Variants in CBX2 observed in about 807,000 individuals in gnomAD.
The protein encoded by CBX2 is chromobox 2.
CBX2 carries 11 observed loss-of-function variants against 21.0 expected under a neutral mutation model. That is an observed-to-expected ratio of 0.52 (90% CI 0.33 to 0.87). The LOEUF is 0.87. Among genes scored for constraint, CBX2 ranks in the 40% least tolerant of loss-of-function variants. CBX2 has a pLI of 0.02. For missense variants in CBX2, 746 were observed against 724.3 expected (o/e 1.03, Z -0.34); for synonymous variants, 364 against 304.6 (o/e 1.19, Z -2.03).
Position 79,783,955 on chromosome 17 carries a change from C to T in CBX2, c.512C>T (p.Pro171Leu). ...AAGCGGGGACGAAAGCCCCTGCCCC[C>T]AGAGCAAAAGGCAACCCGAAGACCC... Reference protein sequence around the residue: ...RKKRGRKPLPPEQKATRRPVS... With the variant: ...RKKRGRKPLPLEQKATRRPVS... The change falls in exon 5 of 5, where the codon CCA becomes CTA. Residue 171 changes from proline to leucine, a missense_variant. Physicochemically the swap from Pro to Leu is moderately conservative, Grantham distance 98. This residue lies in a region of CBX2 where 701 missense variants were observed against 650.7 expected (regional missense o/e 1.08). Coordinates refer to ENST00000310942, the MANE Select transcript of CBX2 (RefSeq NM_005189.3). The T allele has an allele frequency of 1.2e-6, 2 of 1,613,892 alleles. No homozygotes were observed. Among genetic ancestry groups the T allele is most frequent in the South Asian group, 2.2e-5 (2 of 91,086 alleles).
chr17:79,781,584 G>T, intron 3 of CBX2, 112 bp from the exon 4 acceptor site: 1 of 923,038 alleles, frequency 1.1e-6, no homozygotes, highest in Non-Finnish European at 1.8e-6. Context: ...GCGGCAAACA[G>T]GATAAGCTAT....
chr17:79,782,311 A>G, intron 4 of CBX2: 1 of 1,507,932 alleles, frequency 6.6e-7, no homozygotes, highest in Non-Finnish European at 8.8e-7. Context: ...GGGCAGAGGC[A>G]GTGTGGGCTG....
At chr17:79,779,115 G>A (rs1217574613) in intron 2 of CBX2, among the ~76,000 whole-genome samples, 1 of 152,222 alleles carries the variant, frequency 6.6e-6, no homozygotes, top group Non-Finnish European at 1.5e-5. Context: ...GAGTCCTCTT[G>A]TGGCCTTGTT....
At position 79,784,851 on chromosome 17, in the gene CBX2, G is replaced by C. The variant is rs369347617; in HGVS notation, c.1408G>C (p.Asp470His). ...AGEESSSSDS[D>H]PDSASPPSTG... ...TGAGGAGAGTAGCAGCTCGGACTCC[G>C]ACCCCGACTCCGCCTCGCCGCCCAG... Residue 470 changes from aspartate (D) to histidine (H), a missense_variant, in exon 5 of 5, where the codon GAC becomes CAC. By Grantham distance (81) the Asp-to-His change is moderately conservative. This residue lies in a region of CBX2 where 701 missense variants were observed against 650.7 expected (regional missense o/e 1.08). Transcript: ENST00000310942. The surrounding 1 kb of genome is among the most constrained non-coding windows in gnomAD (Gnocchi z 5.9). 3 of 1,612,894 alleles carry C rather than the reference G, an allele frequency of 1.9e-6. No homozygotes were observed. The highest frequency in any genetic ancestry group is 1.7e-5 in the Admixed American group (1 of 59,984).
intron 4 of CBX2, chr17:79,782,029 CT>C: frequency 6.2e-7 from 1 of 1,614,046 alleles, no homozygotes; most frequent in South Asian, 1.1e-5. Context: ...GGGCTTCCTG[CT>C]TCAGCCTGTC....
In CBX2 at chr17:79,780,481, G is replaced by T. The variant is rs371868677; in HGVS notation, c.182+1054G>T. Among the ~76,000 whole-genome samples the T allele has an allele frequency of 1.1e-4, 16 of 152,348 alleles. No homozygotes were observed. In the East Asian group the frequency reaches 1.9e-3, roughly 18 times the overall value. On this transcript the variant is annotated intron_variant, in intron 3 of 4. Transcript: ENST00000310942. ...GTTAGTTCCTGTCTGGGTGCTGTGAGCCTTGGGGTGGGGGAATGGCTTGGC... is the reference window on the plus strand; with the variant it reads ...GTTAGTTCCTGTCTGGGTGCTGTGATCCTTGGGGTGGGGGAATGGCTTGGC...
Position 79,785,282 on chromosome 17 carries a change from C to T in CBX2, c.*240C>T, listed in dbSNP as rs73420293. On this transcript the variant is annotated 3_prime_UTR_variant, in exon 5 of 5. Transcript: ENST00000310942. ...ACCTTGTTCCTACCTCTGCAGGCCT[C>T]TTTGCTCTCCCCTCTTGCCTCAGGA... 11,418 of 583,740 alleles carry T rather than the reference C, an allele frequency of 0.02. 818 individuals are homozygous for T. The highest frequency in any genetic ancestry group is 0.17 in the African/African-American group (9,047 of 53,624). 36.2% of individuals were successfully genotyped at this position (583,740 alleles called of 1,614,324 possible).
At position 79,786,744 on chromosome 17, in the gene CBX2, C is replaced by G. The variant is rs889073538; in HGVS notation, c.*1702C>G. On this transcript the variant is annotated 3_prime_UTR_variant, in exon 5 of 5. Transcript: ENST00000310942. ...TGACTATAGGGAGGCACTCCTGATT[C>G]CATGGAGCAGCCCGGACTTTGAGAA... 1.3e-5 allele frequency: 2 copies of G among 152,686 alleles called. No individual in the cohort carries two copies. The highest frequency in any genetic ancestry group is 6.5e-5 in the Admixed American group (1 of 15,286). The allele number at this position is 152,686 out of a possible 1,614,324, so 9.5% of individuals were successfully genotyped here.
At chr17:79,779,017 T>G (rs1257084862) in intron 2 of CBX2, among the ~76,000 whole-genome samples, 1 of 152,184 alleles carries the variant, frequency 6.6e-6, no homozygotes, top group Non-Finnish European at 1.5e-5. Flanking sequence ...CCCTTCCTCC[T>G]CTGGCTCCGG....
upstream of CBX2, among the ~76,000 whole-genome samples, chr17:79,777,751 G>C (rs757607966): frequency 2.9e-4 from 44 of 151,918 alleles, no homozygotes; most frequent in Non-Finnish European, 4.4e-4. Flanking sequence ...AGCAGCCGCC[G>C]CGCCCCGTCC....
In CBX2 at chr17:79,784,196, C is replaced by G; in HGVS notation, c.753C>G (p.Ser251Arg). 6.2e-7 allele frequency: 1 copy of G among 1,612,786 alleles called. No individual in the cohort carries two copies. Among genetic ancestry groups the G allele is most frequent in the South Asian group, 1.1e-5 (1 of 91,080 alleles). Reference protein sequence around the residue: ...MASSPGRGGISWQSSIVHYMN... With the variant: ...MASSPGRGGIRWQSSIVHYMN... ...GTAGCCCCGGCCGGGGTGGCATCAG[C>G]TGGCAGAGCTCCATCGTGCACTACA... Residue 251 changes from serine to arginine, a missense_variant, in exon 5 of 5, where the codon AGC becomes AGG. Around this residue, in one of 2 missense-constraint regions of CBX2, gnomAD observed 701 missense variants for 650.7 expected, o/e 1.08. Coordinates refer to ENST00000310942, the MANE Select transcript of CBX2 (RefSeq NM_005189.3). This position sits in a 1 kb window ranked among gnomAD's most constrained non-coding sequence, Gnocchi z 5.9.
upstream of CBX2, among the ~76,000 whole-genome samples, chr17:79,777,730 CG>C (rs1221665007): frequency 1.3e-5 from 2 of 152,108 alleles, no homozygotes; most frequent in Non-Finnish European, 2.9e-5. Flanking sequence ...CCCTCGAAGG[CG>C]GGGGCAGGAA....
Position 79,778,427 on chromosome 17 carries a change from A to T in CBX2, c.116A>T (p.Lys39Ile). ...GTCAAGTGGCGCGGCTGGTCCTCCA[A>T]GTGAGTCCCCCGCGACGCCGCGCCC... ...YLVKWRGWSS[K>I]HNSWEPEENI... The change falls in exon 2 of 5, where the codon AAA (lysine) becomes ATA (isoleucine). Residue 39 changes from lysine (K) to isoleucine (I), a missense_variant and splice_region_variant. Coordinates refer to ENST00000310942, the MANE Select transcript of CBX2 (RefSeq NM_005189.3). The surrounding 1 kb of genome is among the most constrained non-coding windows in gnomAD (Gnocchi z 4.8). The T allele has an allele frequency of 6.4e-7, 1 of 1,551,270 alleles. No individual in the cohort carries two copies.
At chr17:79,782,310 C>T in intron 4 of CBX2, 4 of 1,508,844 alleles carry the variant, frequency 2.7e-6, no homozygotes, top group East Asian at 4.9e-5. Context: ...AGGGCAGAGG[C>T]AGTGTGGGCT....
rs1555830274 is a variant in CBX2 at position 79,781,728 on chromosome 17, G to C, written c.215G>C (p.Arg72Thr). ...GAGAAGGAGGTGCAGAACCGGAAGA[G>C]AGGCAAGAGGCCGAGAGGCCGGCCA... is the stretch of plus-strand genomic sequence containing the variant. Reference protein sequence around the residue: ...EHEKEVQNRKRGKRPRGRPRK... With the variant: ...EHEKEVQNRKTGKRPRGRPRK... The change falls in exon 4 of 5, where the codon AGA becomes ACA. Residue 72 changes from arginine to threonine, a missense_variant. Arg to Thr is a moderately conservative substitution (Grantham distance 71). Coordinates refer to ENST00000310942, the MANE Select transcript of CBX2 (RefSeq NM_005189.3). The C allele has an allele frequency of 1.2e-6, 2 of 1,614,092 alleles. No individual in the cohort carries two copies. The highest frequency in any genetic ancestry group is 2.2e-5 in the East Asian group (1 of 44,858).
At position 79,786,394 on chromosome 17, in the gene CBX2, A is replaced by T. The variant is rs1459258217; in HGVS notation, c.*1352A>T. On this transcript the variant is annotated 3_prime_UTR_variant, in exon 5 of 5. Coordinates refer to ENST00000310942, the MANE Select transcript of CBX2 (RefSeq NM_005189.3). ...ACCTGTGCCATTGGGGAAGCTGGAC[A>T]AAGTCTAGGGGGCCCGCCTGGTAGA... 1 of 152,792 alleles carries T rather than the reference A, an allele frequency of 6.5e-6. No individual in the cohort carries two copies. The highest frequency in any genetic ancestry group is 6.5e-5 in the Admixed American group (1 of 15,302). The allele number at this position is 152,792 out of a possible 1,614,324, so 9.5% of individuals were successfully genotyped here. A position where few individuals can be genotyped will look rare whatever the true frequency, so the allele number is the denominator to read the frequency against.
chr17:79,783,308 C>T (rs1907372918), intron 4 of CBX2, among the ~76,000 whole-genome samples: 1 of 152,142 alleles, frequency 6.6e-6, no homozygotes, highest in South Asian at 2.1e-4. Context: ...GTCTGGAAGC[C>T]ACAGGAGTTG....
chr17:79,786,394 A>G lies in CBX2; in HGVS notation c.*1352A>G, dbSNP rs1459258217. Reference sequence around the variant, plus strand: ...ACCTGTGCCATTGGGGAAGCTGGACAAAGTCTAGGGGGCCCGCCTGGTAGA... The same window carrying G: ...ACCTGTGCCATTGGGGAAGCTGGACGAAGTCTAGGGGGCCCGCCTGGTAGA... On this transcript the variant is annotated 3_prime_UTR_variant, in exon 5 of 5. Transcript: ENST00000310942. The G allele has an allele frequency of 2.0e-5, 3 of 152,674 alleles. No individual in the cohort carries two copies. The highest frequency in any genetic ancestry group is 3.8e-4 in the East Asian group (2 of 5,204). 9.5% of individuals were successfully genotyped at this position (152,674 alleles called of 1,614,324 possible).
In CBX2 at chr17:79,782,062, G is replaced by A. The variant is rs1555830461; in HGVS notation, c.288+261G>A. The A allele has an allele frequency of 3.1e-6, 5 of 1,613,874 alleles. No homozygotes were observed. The South Asian group carries it at 3.3e-5, about 11-fold the overall frequency. On this transcript the variant is annotated intron_variant, in intron 4 of 4. Transcript: ENST00000310942. ...TGTCCTGCACGCCTCTCTGCTGGGTGGCAGGGTCAAACTGCTGCAGACAAG... is the reference window on the plus strand; with the variant it reads ...TGTCCTGCACGCCTCTCTGCTGGGTAGCAGGGTCAAACTGCTGCAGACAAG...
Sources: allele counts gnomAD v4.1 joint callset (sites outside exome capture counted in the v4.1 genomes callset), GRCh38; gene constraint gnomAD v4.1.1; regional missense constraint gnomAD v4.1.1; non-coding constraint Gnocchi (gnomAD v3.1); transcripts MANE v1.5; gene names NCBI Gene and HGNC (gene_info 2026-07-23, HGNC 2026-07-21).